Variants in MAST2 observed in about 807,000 individuals in gnomAD.
MAST2 encodes microtubule associated serine/threonine kinase 2.
In MAST2, 70 loss-of-function variants were observed where a neutral mutation model predicts 147.4. The observed-to-expected ratio is 0.47, with a 90% confidence interval of 0.39 to 0.58. MAST2 has a LOEUF of 0.58. MAST2 is among the 20% of genes least tolerant of loss of function. MAST2 has a pLI of 0.00. For missense variants in MAST2, 2,080 were observed against 2,302.3 expected, an observed-to-expected ratio of 0.90 and a Z score of 1.98; for synonymous variants, 869 against 896.8, an observed-to-expected ratio of 0.97 and a Z score of 0.55.
chr1:46,011,677 G>A (rs1645721242), intron 10 of MAST2, among the ~76,000 whole-genome samples: 1 of 152,184 alleles, frequency 6.6e-6, no homozygotes, highest in Non-Finnish European at 1.5e-5. Flanking sequence ...CATCACTAGA[G>A]AATTTCCCAG....
chr1:45,882,198 A>T lies in MAST2; in HGVS notation c.469-166A>T, dbSNP rs997659970. Among the ~76,000 whole-genome samples, 16 of 122,214 alleles carry T rather than the reference A, an allele frequency of 1.3e-4. No individual in the cohort carries two copies. In the South Asian group the frequency reaches 2.4e-3, roughly 19 times the overall value. The allele number at this position is 122,214 out of a possible 152,430, so 80.2% of individuals were successfully genotyped here. A position where few individuals can be genotyped will look rare whatever the true frequency, so the allele number is the denominator to read the frequency against. ...CAAAATGAGACTCCGTCTCAAAAAA[A>T]AAAAAAAATAAATAAAATTTAAGAG... On this transcript the variant is annotated intron_variant, in intron 3 of 28. Transcript: ENST00000361297.
chr1:45,915,246 T>A (rs901340271), intron 4 of MAST2, among the ~76,000 whole-genome samples: 5 of 152,172 alleles, frequency 3.3e-5, no homozygotes, highest in Non-Finnish European at 7.4e-5. Flanking sequence ...GTGGGTACAC[T>A]GCTGTTGGTA....
Position 46,010,903 on chromosome 1 carries a change from C to T in MAST2, c.1152C>T (p.Tyr384=), listed in dbSNP as rs754841333. 20 of 1,614,050 alleles carry T rather than the reference C, an allele frequency of 1.2e-5. No homozygotes were observed. Among genetic ancestry groups the T allele is most frequent in the Admixed American group, 6.7e-5 (4 of 60,010 alleles). Residue 384 remains tyrosine, a synonymous_variant, in exon 10 of 29, where the codon TAC becomes TAT. Coordinates refer to ENST00000361297, the MANE Select transcript of MAST2 (RefSeq NM_015112.3). ...RSGLITSQYF[Y]ELQDNLEKLL... ...GCCTCATTACATCACAATACTTCTA[C>T]GAACTTCAAGATAATTTGGAGAAAC...
In MAST2 at chr1:45,900,754, C is replaced by T. The variant is rs1649628225; in HGVS notation, c.500+18359C>T. Reference sequence around the variant, plus strand: ...TGCTGGGATTACAGGCGTGAGCCACCGCGCCCGGCCGATGTTGGATATTTT... The same window carrying T: ...TGCTGGGATTACAGGCGTGAGCCACTGCGCCCGGCCGATGTTGGATATTTT... On this transcript the variant is annotated intron_variant, in intron 4 of 28. Transcript: ENST00000361297. Among the ~76,000 whole-genome samples the T allele has an allele frequency of 2.8e-4, 2 of 7,184 alleles. 1 individual carries two copies. The highest frequency in any genetic ancestry group is 4.3e-4 in the Non-Finnish European group (2 of 4,624). 4.7% of individuals were successfully genotyped at this position (7,184 alleles called of 152,430 possible). A position where few individuals can be genotyped will look rare whatever the true frequency, so the allele number is the denominator to read the frequency against.
At chr1:45,808,103 A>G (rs1329717639) in intron 1 of MAST2, among the ~76,000 whole-genome samples, 1 of 152,204 alleles carries the variant, frequency 6.6e-6, no homozygotes, top group Admixed American at 6.5e-5. Context: ...ATCAGGATGT[A>G]GGACTTGGAT....
intron 3 of MAST2, among the ~76,000 whole-genome samples, chr1:45,862,487 A>T (rs1246683309): frequency 7.3e-6 from 1 of 136,242 alleles, no homozygotes; most frequent in African/African-American, 2.7e-5. Flanking sequence ...AGGACTGAAG[A>T]TTTTTTTTTT....
intron 3 of MAST2, among the ~76,000 whole-genome samples, chr1:45,841,204 T>TC (rs1645263558): frequency 6.6e-6 from 1 of 152,104 alleles, no homozygotes; most frequent in Non-Finnish European, 1.5e-5. Flanking sequence ...TCCTCCAGTC[T>TC]CCACCTCTGC....
chr1:45,917,778 GCCTTGTGAACTATGA>G (rs1652804941), intron 4 of MAST2, among the ~76,000 whole-genome samples: 1 of 152,180 alleles, frequency 6.6e-6, no homozygotes, highest in Non-Finnish European at 1.5e-5. Flanking sequence ...CCATTGGACA[GCCTTGTGAACTATGA>G]CCTGTGACCA....
At chr1:46,001,050 G>A (rs912307460) in intron 6 of MAST2, 21 of 1,160,634 alleles carry the variant, frequency 1.8e-5, no homozygotes, top group African/African-American at 1.3e-4. Flanking sequence ...GGTTTGTGAT[G>A]TTGTGGTTGG....
intron 4 of MAST2, among the ~76,000 whole-genome samples, chr1:45,939,980 G>GTT (rs1174123217): frequency 7.2e-5 from 7 of 97,332 alleles, no homozygotes; most frequent in African/African-American, 1.6e-4. Flanking sequence ...TTTATTTAGG[G>GTT]TTTTTTTTTT....
At chr1:45,868,794 T>G (rs756057816) in intron 3 of MAST2, among the ~76,000 whole-genome samples, 1 of 152,224 alleles carries the variant, frequency 6.6e-6, no homozygotes, top group Non-Finnish European at 1.5e-5. Flanking sequence ...TTTCAAACAT[T>G]CAATTTCTTC....
Position 45,891,516 on chromosome 1 carries a change from A to C in MAST2, c.500+9121A>C, listed in dbSNP as rs1422893983. ...AAAAGAAATTATTTCACATAACGTC[A>C]GTTACCTACCTATAACTTACAGAGT... On this transcript the variant is annotated intron_variant, in intron 4 of 28. Transcript: ENST00000361297. 3.9e-5 allele frequency among the ~76,000 whole-genome samples: 6 copies of C among 152,210 alleles called. No individual in the cohort carries two copies. In the East Asian group the frequency reaches 1.2e-3, roughly 29 times the overall value.
intron 4 of MAST2, among the ~76,000 whole-genome samples, chr1:45,916,219 T>A (rs950101916): frequency 6.6e-6 from 1 of 152,134 alleles, no homozygotes; most frequent in African/African-American, 2.4e-5. Flanking sequence ...TTATAAACAG[T>A]CAGAAATAAC....
intron 3 of MAST2, among the ~76,000 whole-genome samples, chr1:45,838,735 C>T (rs1025263934): frequency 1.8e-4 from 27 of 151,888 alleles, no homozygotes; most frequent in Admixed American, 2.6e-4. Context: ...TATTTATATA[C>T]GAAAAATGTG....
intron 4 of MAST2, among the ~76,000 whole-genome samples, chr1:45,922,649 C>T (rs1485293715): frequency 3.9e-5 from 6 of 152,164 alleles, no homozygotes; most frequent in South Asian, 2.1e-4. Flanking sequence ...TCTGAGCCTG[C>T]GAGGGGCAGG....
At chr1:45,825,864 G>T (rs1174199747) in intron 2 of MAST2, among the ~76,000 whole-genome samples, 4 of 151,848 alleles carry the variant, frequency 2.6e-5, no homozygotes, top group Admixed American at 6.6e-5. Flanking sequence ...ATCACCTGAG[G>T]TCAGGAGTTC....
chr1:45,833,869 CTT>C (rs887890210), intron 3 of MAST2, among the ~76,000 whole-genome samples: 3 of 145,072 alleles, frequency 2.1e-5, no homozygotes. Context: ...TTCTCTTGTG[CTT>C]TTTTTTTTTC....
At chr1:45,979,863 A>G (rs1644328027) in intron 5 of MAST2, among the ~76,000 whole-genome samples, 6 of 152,178 alleles carry the variant, frequency 3.9e-5, no homozygotes, top group Admixed American at 3.9e-4. Context: ...AGTAGCTATA[A>G]AAAAGAATGA....
chr1:45,911,458 A>G (rs1470979489), intron 4 of MAST2, among the ~76,000 whole-genome samples: 1 of 152,214 alleles, frequency 6.6e-6, no homozygotes, highest in East Asian at 1.9e-4. Context: ...TATGCAGAGC[A>G]GGCTAGAAAG....
Sources: gnomAD v4.1 joint callset for allele counts (sites outside exome capture counted in the v4.1 genomes callset) on GRCh38, gnomAD v4.1.1 for gene constraint, MANE v1.5 for transcripts, NCBI Gene and HGNC (gene_info 2026-07-23, HGNC 2026-07-21) for gene names.